The following LRRTM4 variants were observed in gnomAD, a reference collection of about 807,000 sequenced individuals.
LRRTM4 encodes leucine-rich repeat transmembrane neuronal protein 4.
Under a neutral mutation model 47.6 loss-of-function variants are expected in LRRTM4, and 25 were observed. The ratio of observed to expected loss-of-function variants is 0.53; its 90% CI spans 0.38 to 0.73. The LOEUF (loss-of-function observed/expected upper bound fraction) is 0.73. Ranked by LOEUF, LRRTM4 falls within the 30% of genes least tolerant of loss-of-function variation. The pLI is 0.00. For missense variants in LRRTM4, 638 were observed against 713.4 expected (o/e 0.89, Z 1.20); for synonymous variants, 311 against 269.5 (o/e 1.15, Z -1.51).
intron 3 of LRRTM4, among the ~76,000 whole-genome samples, chr2:77,319,384 C>T (rs1248367319): frequency 6.7e-6 from 1 of 149,118 alleles, no homozygotes; most frequent in African/African-American, 2.5e-5. Flanking sequence ...CGAAACTCCA[C>T]ATCAAAGAAA....
intron 3 of LRRTM4, among the ~76,000 whole-genome samples, chr2:76,795,366 A>G (rs10221841): frequency 0.16 from 24,398 of 148,010 alleles, 2,105 homozygotes; most frequent in African/African-American, 0.21. Context: ...GAATTTAACC[A>G]ACTTTATATA....
chr2:76,864,616 T>C (rs909228916), intron 3 of LRRTM4, among the ~76,000 whole-genome samples: 1 of 149,132 alleles, frequency 6.7e-6, no homozygotes, highest in African/African-American at 2.5e-5. Context: ...GCCGAGATTG[T>C]GCCATTGCAT....
At chr2:77,057,255 T>C (rs1038620573) in intron 3 of LRRTM4, among the ~76,000 whole-genome samples, 10 of 152,122 alleles carry the variant, frequency 6.6e-5, no homozygotes, top group Admixed American at 6.6e-4. Context: ...CCATAAAACA[T>C]AGGATAAAGT....
intron 3 of LRRTM4, among the ~76,000 whole-genome samples, chr2:77,476,093 A>C (rs1290287596): frequency 6.6e-6 from 1 of 152,062 alleles, no homozygotes; most frequent in Non-Finnish European, 1.5e-5. Context: ...AAAAATTAGA[A>C]AATTTAATGA....
chr2:77,066,547 T>A (rs893346719), intron 3 of LRRTM4, among the ~76,000 whole-genome samples: 1 of 152,184 alleles, frequency 6.6e-6, no homozygotes, highest in Non-Finnish European at 1.5e-5. Context: ...AAGCTTAATG[T>A]GAAAGTTCAA....
At chr2:76,812,240 A>T (rs1238565512) in intron 3 of LRRTM4, among the ~76,000 whole-genome samples, 2 of 152,192 alleles carry the variant, frequency 1.3e-5, no homozygotes, top group Non-Finnish European at 2.9e-5. Flanking sequence ...CAGATCTAGG[A>T]TCCATTCTAG....
intron 3 of LRRTM4, among the ~76,000 whole-genome samples, chr2:77,192,173 G>C (rs1451163789): frequency 6.6e-6 from 1 of 151,922 alleles, no homozygotes; most frequent in East Asian, 1.9e-4. Context: ...ATAAAATAAA[G>C]GCATTCTGTT....
intron 3 of LRRTM4, among the ~76,000 whole-genome samples, chr2:77,464,481 T>C (rs1676908450): frequency 6.6e-6 from 1 of 152,118 alleles, no homozygotes; most frequent in Non-Finnish European, 1.5e-5. Context: ...CAGCATGTAA[T>C]TGATATAAAA....
chr2:76,927,281 G>C (rs767962955), intron 3 of LRRTM4, among the ~76,000 whole-genome samples: 3 of 152,082 alleles, frequency 2.0e-5, no homozygotes, highest in Non-Finnish European at 4.4e-5. Context: ...GATTTGGATT[G>C]AGATGAAAAC....
At chr2:77,380,568 G>T (rs2103790461) in intron 3 of LRRTM4, among the ~76,000 whole-genome samples, 1 of 152,154 alleles carries the variant, frequency 6.6e-6, no homozygotes. Flanking sequence ...AGGCCAAGAT[G>T]GGTGGATCAC....
intron 3 of LRRTM4, among the ~76,000 whole-genome samples, chr2:77,145,427 A>C (rs1672231117): frequency 6.6e-6 from 1 of 152,018 alleles, no homozygotes; most frequent in Non-Finnish European, 1.5e-5. Flanking sequence ...ATACAGAAAC[A>C]ATATTTGAAC....
intron 3 of LRRTM4, among the ~76,000 whole-genome samples, chr2:77,321,776 T>A (rs2104227853): frequency 6.6e-6 from 1 of 152,218 alleles, no homozygotes; most frequent in South Asian, 2.1e-4. Context: ...TGAATAAATT[T>A]AGAATTTTTT....
chr2:76,997,293 T>C (rs1351501630), intron 3 of LRRTM4, among the ~76,000 whole-genome samples: 1 of 152,112 alleles, frequency 6.6e-6, no homozygotes, highest in East Asian at 1.9e-4. Flanking sequence ...AATACAGCAG[T>C]AGAGCTCATT....
In LRRTM4 at chr2:77,158,816, C is replaced by T. The variant is rs1282577123; in HGVS notation, c.1551+359502G>A. ...TTTTTCTATTAAGTGCAGAACTATACATTATATTTCTATTTTATAATTGTA... is the reference window on the plus strand; with the variant it reads ...TTTTTCTATTAAGTGCAGAACTATATATTATATTTCTATTTTATAATTGTA... On this transcript the variant is annotated intron_variant, in intron 3 of 3. Transcript: ENST00000409884. Among the ~76,000 whole-genome samples, 6 of 151,276 alleles carry T rather than the reference C, an allele frequency of 4.0e-5. No individual in the cohort carries two copies. In the East Asian group the frequency reaches 9.7e-4, roughly 24 times the overall value.
intron 3 of LRRTM4, among the ~76,000 whole-genome samples, chr2:76,988,506 T>C (rs17405981): frequency 0.13 from 19,371 of 151,766 alleles, 1,497 homozygotes; most frequent in Admixed American, 0.2. Context: ...CCTTATGCTA[T>C]GGACATCAAC....
At chr2:76,781,362 C>T (rs12618655) in intron 3 of LRRTM4, among the ~76,000 whole-genome samples, 11,756 of 152,166 alleles carry the variant, frequency 0.077, 763 homozygotes, top group East Asian at 0.28. Flanking sequence ...CTGGCTGCCG[C>T]CTTGCAGTTT....
chr2:77,407,671 T>A (rs1295340795), intron 3 of LRRTM4, among the ~76,000 whole-genome samples: 1 of 129,056 alleles, frequency 7.7e-6, no homozygotes, highest in East Asian at 2.2e-4. Context: ...TATATAATAA[T>A]TATATAATAT....
At chr2:77,453,037 T>A (rs1271985044) in intron 3 of LRRTM4, among the ~76,000 whole-genome samples, 1 of 152,076 alleles carries the variant, frequency 6.6e-6, no homozygotes, top group Non-Finnish European at 1.5e-5. Context: ...GGGTAGAAAG[T>A]TTAACATATA....
At chr2:77,497,789 C>T (rs1391930913) in intron 3 of LRRTM4, among the ~76,000 whole-genome samples, 1 of 151,110 alleles carries the variant, frequency 6.6e-6, no homozygotes, top group African/African-American at 2.4e-5. Flanking sequence ...TTGCTGATAC[C>T]AGTAATAGTC....
Sources: gnomAD v4.1 joint callset for allele counts (sites outside exome capture counted in the v4.1 genomes callset) on GRCh38, gnomAD v4.1.1 for gene constraint, MANE v1.5 for transcripts, NCBI Gene and HGNC (gene_info 2026-07-23, HGNC 2026-07-21) for gene names.